GMPS: variants seen among roughly 807,000 people sequenced by gnomAD.
GMPS encodes guanosine monophosphate synthase.
In GMPS, 15 loss-of-function variants were observed where a neutral mutation model predicts 77.9. That is an observed-to-expected ratio of 0.19 (90% CI 0.13 to 0.30). The LOEUF (loss-of-function observed/expected upper bound fraction) is 0.30. GMPS is among the 10% of genes least tolerant of loss of function. GMPS has a pLI of 1.00. For synonymous variants in GMPS, 224 were observed against 275.9 expected (o/e 0.81, Z 1.86); for missense variants, 590 against 838.8 (o/e 0.70, Z 3.66).
At chr3:155,891,604 C>CTTTTTTT (rs35759331) in intron 1 of GMPS, among the ~76,000 whole-genome samples, 1 of 127,896 alleles carries the variant, frequency 7.8e-6, no homozygotes, top group Non-Finnish European at 1.6e-5. Flanking sequence ...TTGTTTGTTA[C>CTTTTTTT]TTTTTTTTTT....
At chr3:155,932,506 A>C (rs1254475961) in intron 13 of GMPS, among the ~76,000 whole-genome samples, 1 of 152,204 alleles carries the variant, frequency 6.6e-6, no homozygotes, top group African/African-American at 2.4e-5. Context: ...CTTACATTGG[A>C]TATATCAACA....
intron 5 of GMPS, among the ~76,000 whole-genome samples, chr3:155,908,800 T>C (rs1387863493): frequency 6.6e-6 from 1 of 152,142 alleles, no homozygotes; most frequent in Non-Finnish European, 1.5e-5. Context: ...AAAACAAAGG[T>C]GCTGAGTAGG....
rs575589612 is a variant in GMPS, at chr3:155,922,968, G to A, written c.1434+666G>A. ...AGAATATCTTCACCTAGGTCCCAAA[G>A]GATTCTCATAGATAGATTTCCAACA... is the stretch of plus-strand genomic sequence containing the variant. On this transcript the variant is annotated intron_variant, in intron 11 of 15. Coordinates refer to ENST00000496455, the MANE Select transcript of GMPS (RefSeq NM_003875.3). 7.2e-4 allele frequency among the ~76,000 whole-genome samples: 110 copies of A among 152,134 alleles called. 4 individuals carry two copies. The South Asian group carries it at 0.023, about 31-fold the overall frequency.
intron 7 of GMPS, among the ~76,000 whole-genome samples, chr3:155,913,889 T>G (rs1755101426): frequency 6.6e-6 from 1 of 152,040 alleles, no homozygotes; most frequent in African/African-American, 2.4e-5. Context: ...GAAACAAAAT[T>G]TAATGAGTGC....
chr3:155,872,466 A>G (rs1753929136), intron 1 of GMPS, among the ~76,000 whole-genome samples: 1 of 152,240 alleles, frequency 6.6e-6, no homozygotes, highest in Non-Finnish European at 1.5e-5. Context: ...GGAAAGATTC[A>G]TCTTTATGCT....
intron 11 of GMPS, among the ~76,000 whole-genome samples, chr3:155,924,155 A>C (rs1430116191): frequency 6.6e-6 from 1 of 152,248 alleles, no homozygotes; most frequent in African/African-American, 2.4e-5. Flanking sequence ...CTGGGATTAC[A>C]GGCGTGAGCC....
At chr3:155,920,265 G>A (rs1755284211) in intron 10 of GMPS, among the ~76,000 whole-genome samples, 1 of 152,072 alleles carries the variant, frequency 6.6e-6, no homozygotes, top group South Asian at 2.1e-4. Flanking sequence ...TCCATAAACA[G>A]CTTTACACAT....
At chr3:155,906,406 A>G (rs1291329038) in intron 5 of GMPS, 143 bp downstream of exon 5, 3 of 529,422 alleles carry the variant, frequency 5.7e-6, no homozygotes, top group Non-Finnish European at 1.0e-5. Flanking sequence ...TAATGAATGT[A>G]GGATTAACTG....
chr3:155,879,451 G>A (rs142161132), intron 1 of GMPS, among the ~76,000 whole-genome samples: 1 of 151,748 alleles, frequency 6.6e-6, no homozygotes, highest in Non-Finnish European at 1.5e-5. Flanking sequence ...ACTTTTAGTA[G>A]AGTTGAAGTT....
chr3:155,936,557 A>G (rs1755770393), intron 15 of GMPS, 47 bp downstream of exon 15: 1 of 1,045,584 alleles, frequency 9.6e-7, no homozygotes, highest in South Asian at 1.3e-5. Flanking sequence ...TACCTCTTAC[A>G]TTTTATAATA....
At chr3:155,920,577 A>AAAAAAAAAAAAAG (rs1473541085) in intron 10 of GMPS, among the ~76,000 whole-genome samples, 1 of 150,354 alleles carries the variant, frequency 6.7e-6, no homozygotes, top group Non-Finnish European at 1.5e-5. Flanking sequence ...TCCATCTTAA[A>AAAAAAAAAAAAAG]AAAAAAAAAA....
At chr3:155,907,232 A>G (rs1348223210) in intron 5 of GMPS, among the ~76,000 whole-genome samples, 2 of 152,202 alleles carry the variant, frequency 1.3e-5, no homozygotes, top group African/African-American at 2.4e-5. Flanking sequence ...TATTCATCCA[A>G]CAAACATTCG....
At chr3:155,896,729 A>ATT (rs1020255894) in intron 2 of GMPS, among the ~76,000 whole-genome samples, 2,859 of 91,584 alleles carry the variant, frequency 0.031, 69 homozygotes, top group Non-Finnish European at 0.043. Context: ...CCTTACTGAG[A>ATT]TTTTTTTTTT....
chr3:155,889,262 T>A (rs1754409187), intron 1 of GMPS, among the ~76,000 whole-genome samples: 1 of 152,124 alleles, frequency 6.6e-6, no homozygotes, highest in Admixed American at 6.5e-5. Context: ...TCCTGTCCTG[T>A]TAGTTTTGGT....
chr3:155,874,764 C>A (rs566761027), intron 1 of GMPS, among the ~76,000 whole-genome samples: 1 of 152,104 alleles, frequency 6.6e-6, no homozygotes, highest in South Asian at 2.1e-4. Flanking sequence ...TTGTCTTATA[C>A]TTGTACAAAT....
In GMPS at chr3:155,879,755, G is replaced by T. The variant is rs568189599; in HGVS notation, c.27+8858G>T. On this transcript the variant is annotated intron_variant, in intron 1 of 15. Transcript: ENST00000496455. ...CTTTTTTTTTTTTTTTTTTGAGGCG[G>T]AGTCTCGCACTGTTCCCCGGGCTGG... 8.1e-4 allele frequency among the ~76,000 whole-genome samples: 106 copies of T among 130,180 alleles called. 1 individual carries two copies. Among genetic ancestry groups the T allele is most frequent in the African/African-American group, 2.6e-3 (94 of 35,528 alleles). The allele number at this position is 130,180 out of a possible 152,430, so 85.4% of individuals were successfully genotyped here.
At chr3:155,916,718 C>T (rs945488298) in intron 9 of GMPS, among the ~76,000 whole-genome samples, 1 of 152,032 alleles carries the variant, frequency 6.6e-6, no homozygotes, top group Non-Finnish European at 1.5e-5. Context: ...TAAGTAATGC[C>T]GCCATGAATA....
intron 12 of GMPS, among the ~76,000 whole-genome samples, chr3:155,925,950 T>C (rs777989489): frequency 1.5e-4 from 23 of 152,176 alleles, no homozygotes; most frequent in Non-Finnish European, 2.9e-4. Context: ...GAGAATAATA[T>C]AGTTCTCAAT....
In GMPS at chr3:155,906,272, T is replaced by C; in HGVS notation, c.526+9T>C. 2 of 1,581,190 alleles carry C rather than the reference T, an allele frequency of 1.3e-6. No homozygotes were observed. The highest frequency in any genetic ancestry group is 2.3e-5 in the South Asian group (2 of 88,756). On this transcript the variant is annotated intron_variant, in intron 5 of 15. Coordinates refer to ENST00000496455, the MANE Select transcript of GMPS (RefSeq NM_003875.3). Reference sequence around the variant, plus strand: ...TGGAAACATAGTAGCAGGTGAAAATTCTAAAAATTTTGCAGAGTTCATTTA... The same window carrying C: ...TGGAAACATAGTAGCAGGTGAAAATCCTAAAAATTTTGCAGAGTTCATTTA...
Sources: allele counts gnomAD v4.1 joint callset (sites outside exome capture counted in the v4.1 genomes callset), GRCh38; gene constraint gnomAD v4.1.1; transcripts MANE v1.5; gene names NCBI Gene and HGNC (gene_info 2026-07-23, HGNC 2026-07-21).